Variants in C8orf89 observed in about 807,000 individuals in gnomAD.
C8orf89 encodes chromosome 8 open reading frame 89.
In C8orf89, 14 loss-of-function variants were observed where a neutral mutation model predicts 15.8. The ratio of observed to expected loss-of-function variants is 0.89; its 90% CI spans 0.59 to 1.39. C8orf89 has a LOEUF of 1.39. C8orf89 is among the 40% of genes most tolerant of loss of function. C8orf89 has a pLI of 0.00. For missense variants in C8orf89, 181 were observed against 184.5 expected (o/e 0.98, Z 0.11); for synonymous variants, 55 against 62.2 (o/e 0.88, Z 0.54).
intron 2 of C8orf89, among the ~76,000 whole-genome samples, chr8:73,255,217 C>T (rs1463958972): frequency 4.6e-5 from 7 of 152,002 alleles, no homozygotes; most frequent in Admixed American, 3.9e-4. Flanking sequence ...GCAACCTACT[C>T]GTCTGAAAAA....
chr8:73,277,658 T>A, the C8orf89 span: 1 of 757,426 alleles, frequency 1.3e-6, no homozygotes, highest in Admixed American at 1.7e-5. Flanking sequence ...AAGGTTTCTC[T>A]TTTAAAATAA....
At chr8:73,260,195 C>T (rs924816355), upstream of C8orf89, among the ~76,000 whole-genome samples, 1 of 152,024 alleles carries the variant, frequency 6.6e-6, no homozygotes, top group Admixed American at 6.6e-5. Context: ...CAAAACAGTC[C>T]CTGCCCTTGA....
the C8orf89 span, among the ~76,000 whole-genome samples, chr8:73,284,434 A>C: frequency 1.3e-5 from 2 of 151,900 alleles, no homozygotes; most frequent in East Asian, 3.9e-4. Context: ...GGCTGGTCTC[A>C]AAACTCCTGA....
chr8:73,284,245 ACT>A, the C8orf89 span, among the ~76,000 whole-genome samples: 2 of 110,290 alleles, frequency 1.8e-5, no homozygotes, highest in Non-Finnish European at 3.3e-5. Flanking sequence ...ATGGAGTCTC[ACT>A]CTGTCACTCA....
chr8:73,277,563 G>C, the C8orf89 span: 10 of 761,672 alleles, frequency 1.3e-5, no homozygotes, highest in Non-Finnish European at 2.4e-5. Flanking sequence ...TCCAGGCTCA[G>C]AAGTACCACA....
chr8:73,284,993 C>A, the C8orf89 span, among the ~76,000 whole-genome samples: 1 of 152,192 alleles, frequency 6.6e-6, no homozygotes, highest in African/African-American at 2.4e-5. Flanking sequence ...ACCTATGTTA[C>A]ACAAATAATT....
At chr8:73,277,163 G>GT in the C8orf89 span, among the ~76,000 whole-genome samples, 1 of 152,016 alleles carries the variant, frequency 6.6e-6, no homozygotes, top group Non-Finnish European at 1.5e-5. Context: ...ATCCTCATTG[G>GT]TTTTTTAGAT....
chr8:73,278,000 G>C, the C8orf89 span: 1 of 597,112 alleles, frequency 1.7e-6, no homozygotes. Flanking sequence ...TGCACCGAGG[G>C]ACCACATGCC....
At chr8:73,277,463 C>T in the C8orf89 span, 20 of 1,012,278 alleles carry the variant, frequency 2.0e-5, no homozygotes, top group East Asian at 1.4e-4. Flanking sequence ...TCTCGGTGCT[C>T]GAGAAGAATC....
At chr8:73,285,017 A>C in the C8orf89 span, among the ~76,000 whole-genome samples, 5,176 of 152,320 alleles carry the variant, frequency 0.034, 131 homozygotes, top group Non-Finnish European at 0.054. Flanking sequence ...AGAATGTTTA[A>C]CTCCTGGTGA....
At chr8:73,262,980 TA>T (rs1813556946), upstream of C8orf89, among the ~76,000 whole-genome samples, 2 of 152,078 alleles carry the variant, frequency 1.3e-5, no homozygotes, top group Non-Finnish European at 2.9e-5. Flanking sequence ...AAATTAAGGA[TA>T]CTTTACAGAA....
chr8:73,276,476 C>G, the C8orf89 span, among the ~76,000 whole-genome samples: 1 of 152,104 alleles, frequency 6.6e-6, no homozygotes, highest in African/African-American at 2.4e-5. Context: ...CCACACCCAG[C>G]CTTCTGATGC....
At chr8:73,270,934 C>T in the C8orf89 span, among the ~76,000 whole-genome samples, 1 of 151,998 alleles carries the variant, frequency 6.6e-6, no homozygotes, top group Admixed American at 6.6e-5. Context: ...TTAAGCTTTC[C>T]CTAAATAAAG....
At chr8:73,259,652 A>C (rs1315103507), upstream of C8orf89, 3 of 379,600 alleles carry the variant, frequency 7.9e-6, no homozygotes, top group Non-Finnish European at 1.4e-5. Flanking sequence ...TTTAAAAGTA[A>C]AGTCCAATAG....
chr8:73,247,786 G>T (rs1813159225), intron 3 of C8orf89, among the ~76,000 whole-genome samples: 1 of 151,926 alleles, frequency 6.6e-6, no homozygotes, highest in Non-Finnish European at 1.5e-5. Context: ...ACTTTTTAAT[G>T]AGGTTATTTT....
intron 3 of C8orf89, among the ~76,000 whole-genome samples, chr8:73,246,273 T>C (rs967552979): frequency 6.6e-6 from 1 of 152,208 alleles, no homozygotes; most frequent in African/African-American, 2.4e-5. Flanking sequence ...TGTAGGGATA[T>C]GAAGGTGAGT....
At chr8:73,276,982 T>C in the C8orf89 span, among the ~76,000 whole-genome samples, 1 of 151,780 alleles carries the variant, frequency 6.6e-6, no homozygotes, top group Admixed American at 6.6e-5. Context: ...GATTTTTGTG[T>C]TTTTAGTAGA....
chr8:73,282,281 C>T, the C8orf89 span, among the ~76,000 whole-genome samples: 3 of 152,120 alleles, frequency 2.0e-5, no homozygotes. Flanking sequence ...ACTTATACAA[C>T]TATAATACAA....
At chr8:73,275,228 GTTCT>G in the C8orf89 span, among the ~76,000 whole-genome samples, 70 of 117,760 alleles carry the variant, frequency 5.9e-4, 1 homozygote, top group African/African-American at 2.0e-3. Context: ...ACTTGTAATA[GTTCT>G]TTTTTTTTTT....
Sources: allele counts gnomAD v4.1 joint callset (sites outside exome capture counted in the v4.1 genomes callset), GRCh38; gene constraint gnomAD v4.1.1; transcripts MANE v1.5; gene names NCBI Gene and HGNC (gene_info 2026-07-23, HGNC 2026-07-21).